ADK: variants seen among roughly 807,000 people sequenced by gnomAD.
The protein encoded by ADK is N6,N6-dimethyladenosine kinase.
In ADK, 24 loss-of-function variants were observed where a neutral mutation model predicts 44.7. That is an observed-to-expected ratio of 0.54 (90% CI 0.39 to 0.76). The LOEUF (loss-of-function observed/expected upper bound fraction) is 0.76. Among genes scored for constraint, ADK ranks in the 30% least tolerant of loss-of-function variants. The pLI is 0.00. For synonymous variants in ADK, 128 were observed against 142.6 expected (o/e 0.90, Z 0.73); for missense variants, 321 against 425.1 (o/e 0.76, Z 2.15).
chr10:74,673,155 G>A (rs1855246568), intron 10 of ADK, among the ~76,000 whole-genome samples: 1 of 152,162 alleles, frequency 6.6e-6, no homozygotes, highest in Non-Finnish European at 1.5e-5. Context: ...TAAGATTGTT[G>A]AGGAAAAGAA....
rs16931444 is a variant in ADK, at chr10:74,433,414, T to C, written c.555+34835T>C. Reference sequence around the variant, plus strand: ...TGAAGATTCTGCTGAGGGCTGTAGATACTTATCTGCCTAATTGAGCCATCA... The same window carrying C: ...TGAAGATTCTGCTGAGGGCTGTAGACACTTATCTGCCTAATTGAGCCATCA... On this transcript the variant is annotated intron_variant, in intron 6 of 10. Transcript: ENST00000539909. Among the ~76,000 whole-genome samples the C allele has an allele frequency of 4.9e-3, 743 of 152,344 alleles. 4 individuals carry two copies. The highest frequency in any genetic ancestry group is 0.017 in the African/African-American group (699 of 41,586).
intron 4 of ADK, among the ~76,000 whole-genome samples, chr10:74,391,954 T>C (rs951343211): frequency 6.6e-6 from 1 of 152,194 alleles, no homozygotes; most frequent in Non-Finnish European, 1.5e-5. Flanking sequence ...ATACAATATG[T>C]GTCTTTTTTG....
chr10:74,517,743 A>G (rs1848651549), intron 6 of ADK, among the ~76,000 whole-genome samples: 1 of 151,976 alleles, frequency 6.6e-6, no homozygotes, highest in Admixed American at 6.6e-5. Context: ...TTCTGCTTCC[A>G]AAAGGAACCA....
chr10:74,486,255 C>T (rs1438857330), intron 6 of ADK, among the ~76,000 whole-genome samples: 3 of 152,094 alleles, frequency 2.0e-5, no homozygotes, highest in Non-Finnish European at 4.4e-5. Flanking sequence ...CCATGTAAGA[C>T]GTGTGTCTTC....
At chr10:74,374,291 A>G (rs1842756798) in intron 4 of ADK, among the ~76,000 whole-genome samples, 1 of 152,132 alleles carries the variant, frequency 6.6e-6, no homozygotes, top group African/African-American at 2.4e-5. Flanking sequence ...TATGTGAATT[A>G]TATCTTAAGG....
chr10:74,312,714 T>C (rs754648780), intron 3 of ADK, among the ~76,000 whole-genome samples: 3 of 149,526 alleles, frequency 2.0e-5, no homozygotes, highest in African/African-American at 7.4e-5. Flanking sequence ...CGAGATCTGC[T>C]GGGCAACATG....
intron 3 of ADK, among the ~76,000 whole-genome samples, chr10:74,230,304 C>G (rs1844710206): frequency 6.6e-6 from 1 of 151,580 alleles, no homozygotes; most frequent in Admixed American, 6.6e-5. Flanking sequence ...GAAATGAACC[C>G]TTGAACCAAT....
At chr10:74,660,068 T>C (rs1047145450) in intron 9 of ADK, among the ~76,000 whole-genome samples, 4 of 152,244 alleles carry the variant, frequency 2.6e-5, no homozygotes, top group Admixed American at 2.6e-4. Context: ...GTGCTTTATA[T>C]GTATTAACTA....
At chr10:74,364,154 G>A (rs1348497603) in intron 4 of ADK, among the ~76,000 whole-genome samples, 1 of 152,098 alleles carries the variant, frequency 6.6e-6, no homozygotes, top group African/African-American at 2.4e-5. Context: ...TTGAGGAATA[G>A]GTCTTTCCCT....
chr10:74,402,147 A>G (rs542091014), intron 6 of ADK, among the ~76,000 whole-genome samples: 3 of 151,162 alleles, frequency 2.0e-5, no homozygotes, highest in Admixed American at 6.6e-5. Context: ...GAGTAACCCA[A>G]CCTTTCTCTC....
chr10:74,298,356 A>G (rs1839888215), intron 3 of ADK, among the ~76,000 whole-genome samples: 1 of 152,174 alleles, frequency 6.6e-6, no homozygotes, highest in Non-Finnish European at 1.5e-5. Flanking sequence ...TACTAATGGT[A>G]AGTTAGTAAA....
At chr10:74,574,056 C>T (rs540308059) in intron 7 of ADK, among the ~76,000 whole-genome samples, 6 of 152,302 alleles carry the variant, frequency 3.9e-5, no homozygotes, top group South Asian at 4.1e-4. Context: ...GAGATGAACC[C>T]GGTACCCCAA....
intron 3 of ADK, among the ~76,000 whole-genome samples, chr10:74,290,175 T>C (rs1037637962): frequency 6.6e-6 from 1 of 152,052 alleles, no homozygotes; most frequent in African/African-American, 2.4e-5. Flanking sequence ...GCTGTCAGTT[T>C]TTTTCCTTCG....
intron 7 of ADK, among the ~76,000 whole-genome samples, chr10:74,553,026 A>AT (rs113827301): frequency 1.4e-4 from 21 of 149,186 alleles, no homozygotes; most frequent in South Asian, 6.5e-4. Flanking sequence ...GTAGTTTTTT[A>AT]TTTTTTTTTT....
intron 6 of ADK, among the ~76,000 whole-genome samples, chr10:74,493,774 A>G (rs1224890563): frequency 6.6e-6 from 1 of 152,138 alleles, no homozygotes; most frequent in Non-Finnish European, 1.5e-5. Flanking sequence ...TTGAAAGGTC[A>G]TAGGAAATGT....
At chr10:74,628,186 AAC>A (rs1853284463) in intron 9 of ADK, among the ~76,000 whole-genome samples, 1 of 152,160 alleles carries the variant, frequency 6.6e-6, no homozygotes, top group Non-Finnish European at 1.5e-5. Flanking sequence ...CTATGTATTT[AAC>A]AGTCTCAATT....
intron 1 of ADK, chr10:74,176,509 A>C: frequency 8.4e-7 from 1 of 1,192,062 alleles, no homozygotes; most frequent in Non-Finnish European, 1.0e-6. Flanking sequence ...TGGGGCGGGC[A>C]CCCAATCTCT....
At chr10:74,334,079 C>T (rs1841328299) in intron 4 of ADK, among the ~76,000 whole-genome samples, 3 of 152,100 alleles carry the variant, frequency 2.0e-5, no homozygotes, top group Admixed American at 2.0e-4. Context: ...GACACATGCA[C>T]AGTCTAGCAA....
intron 6 of ADK, among the ~76,000 whole-genome samples, chr10:74,507,045 C>A (rs1848104599): frequency 6.6e-6 from 1 of 152,078 alleles, no homozygotes; most frequent in South Asian, 2.1e-4. Context: ...ATTTTAAAAA[C>A]TTTTTTCAAT....
Sources: allele counts gnomAD v4.1 joint callset (sites outside exome capture counted in the v4.1 genomes callset), GRCh38; gene constraint gnomAD v4.1.1; transcripts MANE v1.5; gene names NCBI Gene and HGNC (gene_info 2026-07-23, HGNC 2026-07-21).